ETFA: variants seen among roughly 807,000 people sequenced by gnomAD.
The protein encoded by ETFA is electron transfer flavoprotein subunit alpha, mitochondrial.
ETFA carries 22 observed loss-of-function variants against 46.2 expected under a neutral mutation model. The observed-to-expected ratio is 0.48, with a 90% CI of 0.34 to 0.68. The LOEUF is 0.68. Ranked by LOEUF, ETFA falls within the 30% of genes least tolerant of loss-of-function variation. The pLI, the probability that ETFA is intolerant of heterozygous loss-of-function variation, is 0.01. For missense variants in ETFA, 345 were observed against 401.1 expected (o/e 0.86, Z 1.19); for synonymous variants, 131 against 139.9 (o/e 0.94, Z 0.45).
chr15:76,260,714 G>A (rs1301473626), intron 9 of ETFA: 3 of 1,605,396 alleles, frequency 1.9e-6, no homozygotes, highest in African/African-American at 2.7e-5. Context: ...CTGTGTGGAT[G>A]GCATGGAGGT....
Position 76,286,919 on chromosome 15 carries a change from G to A in ETFA, c.452-438C>T, listed in dbSNP as rs552698806. On this transcript the variant is annotated intron_variant, in intron 5 of 11. Transcript: ENST00000557943. The stretch of plus-strand genomic sequence containing the variant: ...TAGGTCATAAAGAACAGGTATGAAT[G>A]TGCTAAGATTTTAAGAGGATTTGAG... Among the ~76,000 whole-genome samples, 6 of 152,330 alleles carry A rather than the reference G, an allele frequency of 3.9e-5. No individual in the cohort carries two copies. In the South Asian group the frequency reaches 1.2e-3, roughly 32 times the overall value.
intron 9 of ETFA, chr15:76,261,349 A>C: frequency 1.6e-6 from 2 of 1,227,230 alleles, no homozygotes; most frequent in Non-Finnish European, 2.4e-6. Context: ...GCCCCCATCC[A>C]CCTTGCACCA....
intron 8 of ETFA, among the ~76,000 whole-genome samples, chr15:76,281,491 T>C (rs2039651280): frequency 6.6e-6 from 1 of 152,008 alleles, no homozygotes; most frequent in South Asian, 2.1e-4. Context: ...AGTGACATGA[T>C]TTCTGCTCAC....
intron 4 of ETFA, among the ~76,000 whole-genome samples, chr15:76,289,318 CCTT>C (rs942669377): frequency 1.3e-5 from 2 of 152,122 alleles, no homozygotes; most frequent in African/African-American, 2.4e-5. Context: ...TCCTGAACCA[CCTT>C]CTTTAACTGT....
chr15:76,301,026 C>A (rs976873799), intron 1 of ETFA, among the ~76,000 whole-genome samples: 2 of 152,180 alleles, frequency 1.3e-5, no homozygotes, highest in Non-Finnish European at 2.9e-5. Context: ...TCCACCATAA[C>A]GTCTCAGTAC....
At chr15:76,219,417 A>G (rs1038497353) in intron 11 of ETFA, among the ~76,000 whole-genome samples, 7 of 152,238 alleles carry the variant, frequency 4.6e-5, no homozygotes, top group African/African-American at 1.4e-4. Context: ...ATATTTGGCA[A>G]TGGATTCTTA....
chr15:76,236,149 T>C (rs1214895375), intron 9 of ETFA, among the ~76,000 whole-genome samples: 1 of 152,246 alleles, frequency 6.6e-6, no homozygotes, highest in Non-Finnish European at 1.5e-5. Context: ...TTCTAAGATG[T>C]ATTATCTGAG....
intron 9 of ETFA, among the ~76,000 whole-genome samples, chr15:76,236,412 G>C (rs1258391141): frequency 6.6e-6 from 1 of 152,182 alleles, no homozygotes; most frequent in Non-Finnish European, 1.5e-5. Flanking sequence ...ATAATCACAT[G>C]TGGCTTAGAG....
intron 1 of ETFA, among the ~76,000 whole-genome samples, chr15:76,305,847 T>G (rs574269121): frequency 3.3e-5 from 5 of 150,224 alleles, no homozygotes; most frequent in African/African-American, 1.2e-4. Flanking sequence ...CTTCTCTTTT[T>G]CAACCTCAAT....
In ETFA at chr15:76,259,103, G is replaced by A. The variant is rs2039375723; in HGVS notation, c.816+15309C>T. Reference sequence around the variant, plus strand: ...CTGGCTGCTCAGCCAGCCCTCCAGGGGTGAGGATGTATCAACATTCACTGG... The same window carrying A: ...CTGGCTGCTCAGCCAGCCCTCCAGGAGTGAGGATGTATCAACATTCACTGG... On this transcript the variant is annotated intron_variant, in intron 9 of 11. Coordinates refer to ENST00000557943, the MANE Select transcript of ETFA (RefSeq NM_000126.4). 7 of 1,535,530 alleles carry A rather than the reference G, an allele frequency of 4.6e-6. No homozygotes were observed. The African/African-American group carries it at 8.2e-5, about 18-fold the overall frequency.
At chr15:76,284,480 A>ATTTT (rs1335588576) in intron 7 of ETFA, 1 of 205,892 alleles carries the variant, frequency 4.9e-6, no homozygotes, top group Admixed American at 6.1e-5. Flanking sequence ...CAAAATTATT[A>ATTTT]TTTTTATTTA....
intron 3 of ETFA, 31 bp from the exon 4 acceptor site, chr15:76,292,544 A>T: frequency 6.3e-7 from 1 of 1,598,408 alleles, no homozygotes; most frequent in Non-Finnish European, 8.6e-7. Flanking sequence ...ATAAAAAAAT[A>T]TTTTGAAATA....
In ETFA at chr15:76,286,527, A is replaced by G. The variant is rs757191911; in HGVS notation, c.452-46T>C. The G allele has an allele frequency of 1.1e-5, 13 of 1,175,316 alleles. No homozygotes were observed. In the South Asian group the frequency reaches 1.6e-4, roughly 15 times the overall value. The allele number at this position is 1,175,316 out of a possible 1,614,324, so 72.8% of individuals were successfully genotyped here. A position where few individuals can be genotyped will look rare whatever the true frequency, so the allele number is the denominator to read the frequency against. On this transcript the variant is annotated intron_variant, in intron 5 of 11. Coordinates refer to ENST00000557943, the MANE Select transcript of ETFA (RefSeq NM_000126.4). The stretch of plus-strand genomic sequence containing the variant: ...CTTAAAAGCAACAGCAAAAGGCAAC[A>G]AAACTAGCACTCCTTTGATGCTTGG...
intron 1 of ETFA, among the ~76,000 whole-genome samples, chr15:76,306,503 A>AT (rs1398811457): frequency 6.6e-6 from 1 of 151,818 alleles, no homozygotes; most frequent in East Asian, 1.9e-4. Flanking sequence ...TGACCTCGTG[A>AT]TCCACCCACC....
chr15:76,217,685 G>GA (rs1339015918), intron 11 of ETFA: 1 of 448,340 alleles, frequency 2.2e-6, no homozygotes, highest in African/African-American at 2.0e-5. Flanking sequence ...GGGCTGCAGG[G>GA]AATGTCACAC....
At position 76,280,937 on chromosome 15, in the gene ETFA, T is replaced by TC. The variant is rs58851120; in HGVS notation, c.733+2819dup. On this transcript the variant is annotated intron_variant, in intron 8 of 11. Transcript: ENST00000557943. ...GATGTCTTTTTTTTTTTTTTTTTTT[T>TC]CAGACAGTGTCTCTGTCACCCAGGC... 4.9e-4 allele frequency among the ~76,000 whole-genome samples: 74 copies of TC among 149,762 alleles called. 4 individuals carry two copies. The South Asian group carries it at 0.015, about 30-fold the overall frequency.
At chr15:76,222,321 A>T (rs1034697860) in intron 11 of ETFA, among the ~76,000 whole-genome samples, 1 of 135,054 alleles carries the variant, frequency 7.4e-6, no homozygotes, top group Non-Finnish European at 1.6e-5. Flanking sequence ...TTATACAAAT[A>T]TTGTATTTTT....
intron 9 of ETFA, chr15:76,261,136 T>A: frequency 6.6e-7 from 1 of 1,526,630 alleles, no homozygotes; most frequent in Non-Finnish European, 9.1e-7. Flanking sequence ...CCCTGTTACA[T>A]TTAAAACAAA....
chr15:76,256,262 G>GAAAAAAA (rs59670988), intron 9 of ETFA, among the ~76,000 whole-genome samples: 2 of 95,712 alleles, frequency 2.1e-5, no homozygotes, highest in African/African-American at 3.8e-5. Flanking sequence ...CCGTCTCAAG[G>GAAAAAAA]AAAAAAAAAA....
Sources: allele counts gnomAD v4.1 joint callset (sites outside exome capture counted in the v4.1 genomes callset), GRCh38; gene constraint gnomAD v4.1.1; transcripts MANE v1.5; gene names NCBI Gene and HGNC (gene_info 2026-07-23, HGNC 2026-07-21).